Variants in NRP1 observed in about 807,000 individuals in gnomAD.
NRP1 encodes the protein neuropilin 1.
In NRP1, 35 loss-of-function variants were observed where a neutral mutation model predicts 106.7. The observed-to-expected ratio is 0.33, with a 90% confidence interval of 0.25 to 0.43. NRP1 has a LOEUF of 0.43. Ranked by LOEUF, NRP1 falls within the 20% of genes least tolerant of loss-of-function variation. The pLI is 1.00. For missense variants in NRP1, 1,024 were observed against 1,170.4 expected (o/e 0.87, Z 1.83); for synonymous variants, 437 against 417.9 (o/e 1.05, Z -0.56).
chr10:33,210,582 T>A (rs952532095), intron 9 of NRP1, among the ~76,000 whole-genome samples: 10 of 152,252 alleles, frequency 6.6e-5, no homozygotes, highest in African/African-American at 2.4e-4. Flanking sequence ...CTTTGTGTTC[T>A]GTTGCTAATT....
chr10:33,322,414 A>T (rs1847578770), intron 2 of NRP1, among the ~76,000 whole-genome samples: 1 of 152,114 alleles, frequency 6.6e-6, no homozygotes, highest in South Asian at 2.1e-4. Flanking sequence ...GTCTCGCTCT[A>T]TTGCCGAAGC....
At chr10:33,283,738 G>C (rs936855582) in intron 2 of NRP1, among the ~76,000 whole-genome samples, 2 of 152,128 alleles carry the variant, frequency 1.3e-5, no homozygotes, top group African/African-American at 4.8e-5. Flanking sequence ...AATGATCTAG[G>C]TAACCTCATG....
At chr10:33,332,259 GTGTAAGCTTTGCCAGGAAGAA>G (rs1268818148) in intron 1 of NRP1, among the ~76,000 whole-genome samples, 1 of 152,202 alleles carries the variant, frequency 6.6e-6, no homozygotes, top group Non-Finnish European at 1.5e-5. Flanking sequence ...GCTTGTAAAA[GTGTAAGCTTTGCCAGGAAGAA>G]ATGATGTTGC....
chr10:33,328,290 C>T (rs1047452309), intron 2 of NRP1, among the ~76,000 whole-genome samples: 1 of 139,778 alleles, frequency 7.2e-6, no homozygotes, highest in South Asian at 2.5e-4. Context: ...TTAAGGTTTA[C>T]TGTGAGCTAG....
At chr10:33,197,896 AT>A (rs201648377) in intron 11 of NRP1, among the ~76,000 whole-genome samples, 187 bp from the exon 12 acceptor site, 23,339 of 147,128 alleles carry the variant, frequency 0.16, 2,223 homozygotes, top group East Asian at 0.51. Flanking sequence ...ATAAACCATT[AT>A]TTTTTTTTTT....
chr10:33,204,947 G>T (rs1049797212), intron 10 of NRP1, among the ~76,000 whole-genome samples: 5 of 152,112 alleles, frequency 3.3e-5, no homozygotes, highest in Non-Finnish European at 7.3e-5. Context: ...GGCCAGGCTG[G>T]TCTCAAGCTC....
chr10:33,233,617 C>T lies in NRP1; in HGVS notation c.982-7328G>A, dbSNP rs536166596. ...ATTTCTAAAATGAAAATCTGTCTTA[C>T]TCAATAAATTACTGCCCATTGAGCT... On this transcript the variant is annotated intron_variant, in intron 6 of 16. Transcript: ENST00000374867. Among the ~76,000 whole-genome samples the T allele has an allele frequency of 3.9e-5, 6 of 152,278 alleles. No homozygotes were observed. The South Asian group carries it at 1.2e-3, about 32-fold the overall frequency.
At chr10:33,321,947 G>T (rs1847540512) in intron 2 of NRP1, among the ~76,000 whole-genome samples, 1 of 152,330 alleles carries the variant, frequency 6.6e-6, no homozygotes, top group African/African-American at 2.4e-5. Flanking sequence ...ATACACTGGA[G>T]CATCTGTTTC....
At chr10:33,309,503 G>A (rs1463516112) in intron 2 of NRP1, among the ~76,000 whole-genome samples, 1 of 152,190 alleles carries the variant, frequency 6.6e-6, no homozygotes, top group Non-Finnish European at 1.5e-5. Context: ...CCAAGGGCTG[G>A]GTGAAGCTGC....
intron 16 of NRP1, among the ~76,000 whole-genome samples, chr10:33,181,367 T>C (rs960531507): frequency 6.6e-6 from 1 of 152,272 alleles, no homozygotes; most frequent in Non-Finnish European, 1.5e-5. Context: ...AGTTTACATC[T>C]CTGTGTGGAC....
intron 2 of NRP1, among the ~76,000 whole-genome samples, chr10:33,279,506 G>C (rs962967148): frequency 6.6e-6 from 1 of 152,132 alleles, no homozygotes; most frequent in Admixed American, 6.6e-5. Context: ...ATTTCCACAG[G>C]CTTCTGGAAA....
intron 2 of NRP1, among the ~76,000 whole-genome samples, chr10:33,292,450 A>T (rs1475557299): frequency 1.3e-5 from 2 of 152,208 alleles, no homozygotes; most frequent in Non-Finnish European, 2.9e-5. Context: ...ATTCAAAAAA[A>T]TATATATGCA....
chr10:33,213,146 C>A, intron 9 of NRP1: 2 of 1,120,290 alleles, frequency 1.8e-6, no homozygotes, highest in Non-Finnish European at 1.3e-6. Flanking sequence ...GCTGTCTGTC[C>A]ATCCCTACAG....
chr10:33,234,921 C>A (rs1840440770), intron 6 of NRP1, among the ~76,000 whole-genome samples: 1 of 152,160 alleles, frequency 6.6e-6, no homozygotes, highest in South Asian at 2.1e-4. Context: ...AGTGGAAGGG[C>A]TGGCTTCCCT....
chr10:33,278,686 A>C (rs1843891093), intron 2 of NRP1, among the ~76,000 whole-genome samples: 1 of 152,216 alleles, frequency 6.6e-6, no homozygotes, highest in South Asian at 2.1e-4. Flanking sequence ...AGTCCACCTA[A>C]CATCTTACTC....
intron 6 of NRP1, among the ~76,000 whole-genome samples, chr10:33,234,607 A>G (rs1172395734): frequency 2.0e-5 from 3 of 152,210 alleles, no homozygotes; most frequent in Non-Finnish European, 4.4e-5. Flanking sequence ...GGTAGCAACG[A>G]AACATTTTGA....
At chr10:33,315,891 G>C (rs1846997449) in intron 2 of NRP1, among the ~76,000 whole-genome samples, 1 of 152,180 alleles carries the variant, frequency 6.6e-6, no homozygotes, top group East Asian at 1.9e-4. Context: ...CACAGGCATG[G>C]GGCTGGGAAA....
chr10:33,226,048 A>G (rs1228010299), intron 7 of NRP1, 86 bp downstream of exon 7: 9 of 1,438,938 alleles, frequency 6.3e-6, no homozygotes, highest in Non-Finnish European at 8.7e-6. Flanking sequence ...AAACCAGGCC[A>G]GACAGAAAGC....
rs149230783 is a variant in NRP1 at position 33,208,217 on chromosome 10, C to T, written c.1615-501G>A. The stretch of plus-strand genomic sequence containing the variant: ...CTGGGATTACAGGCATGCGCCACCA[C>T]GCCGAGCTAATTTTTTGTGGAGACA... On this transcript the variant is annotated intron_variant, in intron 9 of 16. Coordinates refer to ENST00000374867, the MANE Select transcript of NRP1 (RefSeq NM_003873.7). Among the ~76,000 whole-genome samples, 376 of 152,264 alleles carry T rather than the reference C, an allele frequency of 2.5e-3. 1 individual carries two copies. Among genetic ancestry groups the T allele is most frequent in the Middle Eastern group, 3.4e-3 (1 of 294 alleles).
Sources: allele counts gnomAD v4.1 joint callset (sites outside exome capture counted in the v4.1 genomes callset), GRCh38; gene constraint gnomAD v4.1.1; transcripts MANE v1.5; gene names NCBI Gene and HGNC (gene_info 2026-07-23, HGNC 2026-07-21).